Variants in THEMIS2 observed in about 807,000 individuals in gnomAD.
The protein encoded by THEMIS2 is protein THEMIS2.
THEMIS2 carries 29 observed loss-of-function variants against 46.8 expected under a neutral mutation model. That is an observed-to-expected ratio of 0.62 (90% CI 0.46 to 0.84). THEMIS2 has a LOEUF of 0.84. THEMIS2 is among the 40% of genes least tolerant of loss of function. The pLI, the probability that THEMIS2 is intolerant of heterozygous loss-of-function variation, is 0.00. For missense variants in THEMIS2, 698 were observed against 834.7 expected (o/e 0.84, Z 2.02); for synonymous variants, 335 against 349.1 (o/e 0.96, Z 0.45).
At position 27,886,003 on chromosome 1, in the gene THEMIS2, C is replaced by T; in HGVS notation, c.*81C>T. Reference sequence around the variant, plus strand: ...CAACCATTTTAAGCCTCTAAAAGACCTCGGGCAAGTCTCACAGAAACTGAG... The same window carrying T: ...CAACCATTTTAAGCCTCTAAAAGACTTCGGGCAAGTCTCACAGAAACTGAG... On this transcript the variant is annotated 3_prime_UTR_variant, in exon 6 of 6. Coordinates refer to ENST00000373921, the MANE Select transcript of THEMIS2 (RefSeq NM_001105556.3). The T allele has an allele frequency of 3.6e-6, 5 of 1,396,008 alleles. No homozygotes were observed. Among genetic ancestry groups the T allele is most frequent in the South Asian group, 2.3e-5 (2 of 85,520 alleles). 86.5% of individuals were successfully genotyped at this position (1,396,008 alleles called of 1,614,324 possible). A position where few individuals can be genotyped will look rare whatever the true frequency, so the allele number is the denominator to read the frequency against.
chr1:27,885,061 CCT>C (rs1271415791), intron 4 of THEMIS2: 2 of 429,106 alleles, frequency 4.7e-6, no homozygotes, highest in Non-Finnish European at 8.4e-6. Flanking sequence ...CCAGGAACAC[CCT>C]GTCTCCAACC....
rs138336447 is a variant in THEMIS2 at position 27,879,784 on chromosome 1, G to A, written c.376G>A (p.Glu126Lys). Residue 126 changes from glutamate to lysine, a missense_variant, in exon 3 of 6, where the codon GAG becomes AAG. Transcript: ENST00000373921. Reference protein sequence around the residue: ...RIVTEGRVVTEDQLLMLEAVV... With the variant: ...RIVTEGRVVTKDQLLMLEAVV... ...TGTCACAGAGGGCAGGGTGGTGACT[G>A]AGGACCAGCTCCTCATGCTTGAGGC... 6.0e-5 allele frequency: 97 copies of A among 1,614,038 alleles called. No individual in the cohort carries two copies. The African/African-American group carries it at 1.2e-3, about 21-fold the overall frequency.
chr1:27,879,315 G>A (rs1296811620), intron 2 of THEMIS2, among the ~76,000 whole-genome samples: 1 of 152,130 alleles, frequency 6.6e-6, no homozygotes. Context: ...GCAGTTAGAG[G>A]CAGGTAGGGT....
intron 1 of THEMIS2, among the ~76,000 whole-genome samples, chr1:27,875,448 C>T (rs1490630282): frequency 6.6e-6 from 1 of 152,206 alleles, no homozygotes; most frequent in Non-Finnish European, 1.5e-5. Context: ...TGTAAACAGA[C>T]TGTGGTTTAT....
In THEMIS2 at chr1:27,882,514, G is replaced by A. The variant is rs969414124; in HGVS notation, c.1190G>A (p.Arg397Gln). 42 of 1,613,620 alleles carry A rather than the reference G, an allele frequency of 2.6e-5. No individual in the cohort carries two copies. Among genetic ancestry groups the A allele is most frequent in the Non-Finnish European group, 3.4e-5 (40 of 1,179,684 alleles). The change falls in exon 4 of 6, where the codon CGG becomes CAG. Residue 397 changes from arginine to glutamine, a missense_variant. Physicochemically the swap from Arg to Gln is conservative, Grantham distance 43. Coordinates refer to ENST00000373921, the MANE Select transcript of THEMIS2 (RefSeq NM_001105556.3). The surrounding 1 kb of genome is among the most constrained non-coding windows in gnomAD (Gnocchi z 7.6). Reference protein sequence around the residue: ...GSDVDVLVCQRLSDQAGEDEE... With the variant: ...GSDVDVLVCQQLSDQAGEDEE... ...GACGTGGATGTCTTGGTTTGTCAGC[G>A]GCTGAGTGACCAGGCTGGGGAGGAT...
At position 27,872,607 on chromosome 1, in the gene THEMIS2, C is replaced by G; in HGVS notation, c.36C>G (p.Ala12=). The G allele has an allele frequency of 6.7e-7, 1 of 1,484,900 alleles. No homozygotes were observed. Among genetic ancestry groups the G allele is most frequent in the Non-Finnish European group, 8.9e-7 (1 of 1,118,760 alleles). The allele number at this position is 1,484,900 out of a possible 1,614,324, so 92.0% of individuals were successfully genotyped here. A position where few individuals can be genotyped will look rare whatever the true frequency, so the allele number is the denominator to read the frequency against. The stretch of plus-strand genomic sequence containing the variant: ...TGCCGCTGCAGGACTTCGTGCGCGC[C>G]TTGGACCCCGCCTCCCTCCCGCGCG... ...EPVPLQDFVR[A]LDPASLPRVL... is the part of the protein sequence containing the mutation. Residue 12 remains alanine, a synonymous_variant, in exon 1 of 6, where the codon GCC becomes GCG. Transcript: ENST00000373921. The surrounding 1 kb of genome is among the most constrained non-coding windows in gnomAD (Gnocchi z 4.9).
chr1:27,872,619 C>G lies in THEMIS2; in HGVS notation c.48C>G (p.Ala16=). 6.8e-7 allele frequency: 1 copy of G among 1,475,588 alleles called. No homozygotes were observed. The highest frequency in any genetic ancestry group is 9.0e-7 in the Non-Finnish European group (1 of 1,114,262). 91.4% of individuals were successfully genotyped at this position (1,475,588 alleles called of 1,614,324 possible). ...ACTTCGTGCGCGCCTTGGACCCCGC[C>G]TCCCTCCCGCGCGTGCTGCGGGTCT... The part of the protein sequence containing the change: ...LQDFVRALDP[A]SLPRVLRVCS... Residue 16 remains alanine (A), a synonymous_variant, in exon 1 of 6, where the codon GCC becomes GCG. Transcript: ENST00000373921. The surrounding 1 kb of genome is among the most constrained non-coding windows in gnomAD (Gnocchi z 4.9).
At chr1:27,873,946 G>A (rs2089532436) in intron 1 of THEMIS2, among the ~76,000 whole-genome samples, 1 of 152,102 alleles carries the variant, frequency 6.6e-6, no homozygotes, top group South Asian at 2.1e-4. Context: ...AATAGGGGCA[G>A]GCGTCTACAG....
intron 3 of THEMIS2, 64 bp from the exon 4 acceptor site, chr1:27,881,907 A>G: frequency 2.2e-6 from 3 of 1,367,334 alleles, no homozygotes; most frequent in Admixed American, 2.0e-5. Flanking sequence ...CCAATGCTCT[A>G]TGCCTGGGGT....
intron 1 of THEMIS2, among the ~76,000 whole-genome samples, chr1:27,876,289 T>G (rs1380412442): frequency 5.9e-5 from 9 of 152,058 alleles, no homozygotes; most frequent in Admixed American, 5.9e-4. Context: ...AGCCCTGTGC[T>G]GGCTGCAGTG....
rs2089768782 is a variant in THEMIS2, at chr1:27,886,176, A to G, written c.*254A>G. On this transcript the variant is annotated 3_prime_UTR_variant, in exon 6 of 6. Transcript: ENST00000373921. ...CCTCAGCCTCAGAGCCTTGGGATGCAGAGCAGCTGGCAGGGTTCCTCTCAA... is the reference window on the plus strand; with the variant it reads ...CCTCAGCCTCAGAGCCTTGGGATGCGGAGCAGCTGGCAGGGTTCCTCTCAA... The G allele has an allele frequency of 3.9e-6, 2 of 508,482 alleles. No individual in the cohort carries two copies. The highest frequency in any genetic ancestry group is 3.9e-5 in the African/African-American group (2 of 51,786). The allele number at this position is 508,482 out of a possible 1,614,324, so 31.5% of individuals were successfully genotyped here.
chr1:27,883,266 A>C (rs887031522), intron 4 of THEMIS2: 2 of 571,768 alleles, frequency 3.5e-6, no homozygotes, highest in Admixed American at 3.1e-5. Context: ...AGACCCTAAG[A>C]CTTGCCCAGG....
rs1024703875 is a variant in THEMIS2 at position 27,882,125 on chromosome 1, G to T, written c.801G>T (p.Glu267Asp). 1 of 1,614,228 alleles carries T rather than the reference G, an allele frequency of 6.2e-7. No individual in the cohort carries two copies. Among genetic ancestry groups the T allele is most frequent in the East Asian group, 2.2e-5 (1 of 44,880 alleles). Residue 267 changes from glutamate to aspartate, a missense_variant, in exon 4 of 6, where the codon GAG becomes GAT. Transcript: ENST00000373921. This position sits in a 1 kb window ranked among gnomAD's most constrained non-coding sequence, Gnocchi z 7.6. ...TCCCCCTGTCCATGGAGATCCTGGAGGTTCCTGAGGGCCGCCCCATCTTCC... is the reference window on the plus strand; with the variant it reads ...TCCCCCTGTCCATGGAGATCCTGGATGTTCCTGAGGGCCGCCCCATCTTCC... ...GPFPLSMEIL[E>D]VPEGRPIFLS... is the part of the protein sequence containing the mutation.
intron 4 of THEMIS2, chr1:27,884,717 A>G (rs1557455226): frequency 1.3e-5 from 2 of 153,492 alleles, no homozygotes; most frequent in Admixed American, 1.3e-4. Flanking sequence ...TGGGGCGCCA[A>G]GACCTCTGCC....
At chr1:27,875,167 C>T (rs1026614651) in intron 1 of THEMIS2, among the ~76,000 whole-genome samples, 9 of 152,088 alleles carry the variant, frequency 5.9e-5, no homozygotes, top group Middle Eastern at 3.4e-3. Flanking sequence ...TTAGTAGAGA[C>T]GGGGTTTCAC....
intron 1 of THEMIS2, among the ~76,000 whole-genome samples, chr1:27,875,891 T>C (rs577420793): frequency 6.6e-6 from 1 of 151,414 alleles, no homozygotes; most frequent in African/African-American, 2.4e-5. Flanking sequence ...TTTAGTAGAG[T>C]CGGGGTTTCC....
chr1:27,885,803 C>T, intron 5 of THEMIS2, 64 bp from the exon 6 acceptor site: 2 of 1,527,434 alleles, frequency 1.3e-6, no homozygotes, highest in Non-Finnish European at 1.8e-6. Context: ...GAGGAAACTG[C>T]CCTACAGAAG....
In THEMIS2 at chr1:27,882,785, G is replaced by T. The variant is rs762664710; in HGVS notation, c.1461G>T (p.Val487=). 5 of 1,613,900 alleles carry T rather than the reference G, an allele frequency of 3.1e-6. No individual in the cohort carries two copies. Among genetic ancestry groups the T allele is most frequent in the Non-Finnish European group, 4.2e-6 (5 of 1,179,952 alleles). ...AGAAGATCACAGAGCCATTCTTGGTGGTGAGCCTAGACTCTGAGCCTGGGA... is the reference window on the plus strand; with the variant it reads ...AGAAGATCACAGAGCCATTCTTGGTTGTGAGCCTAGACTCTGAGCCTGGGA... ...LEEKITEPFL[V]VSLDSEPGMC... The change falls in exon 4 of 6, where the codon GTG becomes GTT. Residue 487 remains valine, a synonymous_variant. Coordinates refer to ENST00000373921, the MANE Select transcript of THEMIS2 (RefSeq NM_001105556.3). This position sits in a 1 kb window ranked among gnomAD's most constrained non-coding sequence, Gnocchi z 7.6.
At chr1:27,881,154 T>C (rs2089671721) in intron 3 of THEMIS2, among the ~76,000 whole-genome samples, 1 of 152,042 alleles carries the variant, frequency 6.6e-6, no homozygotes, top group African/African-American at 2.4e-5. Context: ...ATAGTAATTT[T>C]TTTAAGAAGG....
Sources: allele counts gnomAD v4.1 joint callset (sites outside exome capture counted in the v4.1 genomes callset), GRCh38; gene constraint gnomAD v4.1.1; non-coding constraint Gnocchi (gnomAD v3.1); transcripts MANE v1.5; gene names NCBI Gene and HGNC (gene_info 2026-07-23, HGNC 2026-07-21).